CNTN4: variants seen among roughly 807,000 people sequenced by gnomAD.
CNTN4 encodes contactin 4.
Under a neutral mutation model 122.5 loss-of-function variants are expected in CNTN4, and 77 were observed. The ratio of observed to expected loss-of-function variants is 0.63; its 90% CI spans 0.52 to 0.76. CNTN4 has a LOEUF of 0.76. CNTN4 is among the 30% of genes least tolerant of loss of function. CNTN4 has a pLI of 0.00. For missense variants in CNTN4, 1,256 were observed against 1,259.1 expected (o/e 1.00, Z 0.04); for synonymous variants, 512 against 447.0 (o/e 1.15, Z -1.83).
At position 2,871,722 on chromosome 3, in the gene CNTN4, G is replaced by A. The variant is rs1426683475; in HGVS notation, c.652+4773G>A. On this transcript the variant is annotated intron_variant, in intron 8 of 24. Coordinates refer to ENST00000418658, the MANE Select transcript of CNTN4 (RefSeq NM_175607.3). ...CTGATCATCATATTATTTCACTGAG[G>A]TTCAGAAAAGGCTGTTTGGGCTCTA... 2.6e-5 allele frequency among the ~76,000 whole-genome samples: 4 copies of A among 152,104 alleles called. No individual in the cohort carries two copies. In the East Asian group the frequency reaches 5.8e-4, roughly 22 times the overall value.
chr3:2,134,705 G>C (rs919877042), intron 2 of CNTN4, among the ~76,000 whole-genome samples: 2 of 152,284 alleles, frequency 1.3e-5, no homozygotes, highest in Admixed American at 1.3e-4. Flanking sequence ...CAGGGATGCT[G>C]CTGAACACCC....
chr3:2,839,829 G>A (rs897567088), intron 7 of CNTN4, among the ~76,000 whole-genome samples: 6 of 152,280 alleles, frequency 3.9e-5, no homozygotes, highest in Admixed American at 3.3e-4. Context: ...GTGTATGCCC[G>A]CAGAGCAGTA....
chr3:2,670,078 C>T (rs147346555), intron 4 of CNTN4, among the ~76,000 whole-genome samples: 1,642 of 152,076 alleles, frequency 0.011, 31 homozygotes, highest in African/African-American at 0.037. Context: ...TGTTGATTTG[C>T]GGGGAGAGTT....
At chr3:2,437,640 C>G (rs1559552376) in intron 3 of CNTN4, among the ~76,000 whole-genome samples, 1 of 152,182 alleles carries the variant, frequency 6.6e-6, no homozygotes, top group Non-Finnish European at 1.5e-5. Flanking sequence ...CAAACTCACT[C>G]TCAACCATTC....
chr3:2,599,713 A>G (rs2080939497), intron 4 of CNTN4, among the ~76,000 whole-genome samples: 1 of 152,208 alleles, frequency 6.6e-6, no homozygotes, highest in Non-Finnish European at 1.5e-5. Context: ...AAACAGTCAG[A>G]GAAAGTAATT....
At chr3:2,685,899 C>T (rs1188543167) in intron 4 of CNTN4, among the ~76,000 whole-genome samples, 2 of 152,124 alleles carry the variant, frequency 1.3e-5, no homozygotes, top group Non-Finnish European at 2.9e-5. Context: ...ACATTATACT[C>T]TGTGATTTTG....
chr3:2,446,160 T>A (rs1464710272), intron 3 of CNTN4, among the ~76,000 whole-genome samples: 1 of 152,158 alleles, frequency 6.6e-6, no homozygotes, highest in African/African-American at 2.4e-5. Context: ...CCCCTTAACC[T>A]TGGAGAGACC....
intron 4 of CNTN4, among the ~76,000 whole-genome samples, chr3:2,673,707 A>AT (rs1036320822): frequency 1.8e-4 from 27 of 151,104 alleles, no homozygotes; most frequent in African/African-American, 6.3e-4. Context: ...CGCCCGGCTA[A>AT]TTTTTTTTGC....
intron 2 of CNTN4, among the ~76,000 whole-genome samples, chr3:2,205,794 C>A (rs899956670): frequency 2.6e-5 from 4 of 151,946 alleles, no homozygotes; most frequent in Non-Finnish European, 5.9e-5. Context: ...AAAAAAACAG[C>A]TGTTTGTTTT....
At chr3:2,274,763 ATACTGAAGTT>A (rs1266923982) in intron 2 of CNTN4, among the ~76,000 whole-genome samples, 1 of 152,180 alleles carries the variant, frequency 6.6e-6, no homozygotes, top group African/African-American at 2.4e-5. Flanking sequence ...CTGTACATAA[ATACTGAAGTT>A]TACTGTCAAG....
intron 2 of CNTN4, among the ~76,000 whole-genome samples, chr3:2,139,627 A>G (rs868068532): frequency 5.3e-5 from 8 of 152,270 alleles, no homozygotes; most frequent in Admixed American, 2.0e-4. Flanking sequence ...GACATAGATT[A>G]TCACTGAAAT....
intron 12 of CNTN4, 41 bp downstream of exon 12, chr3:2,903,046 T>C (rs754300449): frequency 6.3e-7 from 1 of 1,594,636 alleles, no homozygotes; most frequent in Admixed American, 1.7e-5. Flanking sequence ...TTAAAACTCT[T>C]TAGATCACTA....
chr3:2,387,360 T>C (rs1040516850), intron 3 of CNTN4, among the ~76,000 whole-genome samples: 94 of 151,496 alleles, frequency 6.2e-4, no homozygotes, highest in African/African-American at 2.2e-3. Context: ...GGCAAATCTT[T>C]ATTAAGAGTA....
At chr3:2,754,094 C>A (rs1020078724) in intron 6 of CNTN4, among the ~76,000 whole-genome samples, 19 of 152,162 alleles carry the variant, frequency 1.2e-4, no homozygotes, top group Non-Finnish European at 2.9e-5. Flanking sequence ...GTATAAGCTT[C>A]TTACTCCCAT....
At chr3:2,322,673 T>G (rs1185771277) in intron 2 of CNTN4, among the ~76,000 whole-genome samples, 1 of 152,190 alleles carries the variant, frequency 6.6e-6, no homozygotes, top group African/African-American at 2.4e-5. Flanking sequence ...GTGGCTAAAA[T>G]GCAGACTTTA....
At chr3:2,563,966 T>C (rs2079056569) in intron 3 of CNTN4, among the ~76,000 whole-genome samples, 1 of 152,030 alleles carries the variant, frequency 6.6e-6, no homozygotes, top group Non-Finnish European at 1.5e-5. Context: ...GCTAACAAAT[T>C]ACCAAATTAT....
At chr3:2,578,993 G>A (rs895551022) in intron 4 of CNTN4, among the ~76,000 whole-genome samples, 8 of 152,212 alleles carry the variant, frequency 5.3e-5, no homozygotes, top group Non-Finnish European at 1.0e-4. Flanking sequence ...AATCAGTAAT[G>A]AAGATGTTGA....
At chr3:2,280,555 A>G (rs568257366) in intron 2 of CNTN4, among the ~76,000 whole-genome samples, 1 of 152,322 alleles carries the variant, frequency 6.6e-6, no homozygotes, top group East Asian at 1.9e-4. Flanking sequence ...GTCCAATTTC[A>G]GAAACCATGC....
At chr3:2,582,922 T>C (rs1031181363) in intron 4 of CNTN4, among the ~76,000 whole-genome samples, 5 of 148,752 alleles carry the variant, frequency 3.4e-5, no homozygotes, top group African/African-American at 1.2e-4. Context: ...AAAAAAGCAG[T>C]TTAATGGAGA....
Sources: allele counts gnomAD v4.1 joint callset (sites outside exome capture counted in the v4.1 genomes callset), GRCh38; gene constraint gnomAD v4.1.1; transcripts MANE v1.5; gene names NCBI Gene and HGNC (gene_info 2026-07-23, HGNC 2026-07-21).